The following FUS variants were observed in gnomAD, a reference collection of about 807,000 sequenced individuals.
FUS encodes FUS RNA binding protein, also known as RNA-binding protein FUS.
In FUS, 5 loss-of-function variants were observed where a neutral mutation model predicts 82.7. The ratio of observed to expected loss-of-function variants is 0.06; its 90% CI spans 0.03 to 0.13. The LOEUF (loss-of-function observed/expected upper bound fraction) is 0.13. FUS is among the 10% of genes least tolerant of loss of function. The pLI, the probability that FUS is intolerant of heterozygous loss-of-function variation, is 1.00. For synonymous variants in FUS, 281 were observed against 247.4 expected, an observed-to-expected ratio of 1.14 and a Z score of -1.27; for missense variants, 512 against 707.8, an observed-to-expected ratio of 0.72 and a Z score of 3.14.
intron 1 of FUS, chr16:31,182,113 C>T: frequency 2.3e-6 from 1 of 432,254 alleles, no homozygotes; most frequent in South Asian, 2.1e-5. Flanking sequence ...GCTTCACCTC[C>T]CGAGTAGCTG....
intron 10 of FUS, 46 bp downstream of exon 10, chr16:31,189,840 A>AGCAAGCCT: frequency 3.1e-6 from 5 of 1,613,070 alleles, no homozygotes; most frequent in African/African-American, 1.3e-5. Flanking sequence ...GATATAGGGC[A>AGCAAGCCT]GCAAGCCTTA....
intron 14 of FUS, 25 bp from the exon 15 acceptor site, chr16:31,191,373 CT>C (rs2079356356): frequency 1.3e-6 from 2 of 1,572,534 alleles, no homozygotes; most frequent in Non-Finnish European, 1.7e-6. Flanking sequence ...ATAATGGATA[CT>C]TAATTTTTTT....
rs182477113 is a variant in FUS, at chr16:31,183,708, G to A, written c.191-150G>A. 695 of 909,716 alleles carry A rather than the reference G, an allele frequency of 7.6e-4. 4 individuals are homozygous for A. Among genetic ancestry groups the A allele is most frequent in the Middle Eastern group, 4.6e-3 (21 of 4,554 alleles). 56.4% of individuals were successfully genotyped at this position (909,716 alleles called of 1,614,324 possible). On this transcript the variant is annotated intron_variant, in intron 3 of 14. Coordinates refer to ENST00000254108, the MANE Select transcript of FUS (RefSeq NM_004960.4). ...CATTAAATTTAGGCTTTGAAAGGAG[G>A]GTAACTATCTTTGCCTATGAGTTGC...
intron 1 of FUS, 95 bp downstream of exon 1, chr16:31,180,322 T>G: frequency 6.7e-7 from 1 of 1,493,556 alleles, no homozygotes; most frequent in Non-Finnish European, 9.1e-7. Flanking sequence ...GGCGATCCCG[T>G]GTGGGATTTT....
chr16:31,193,910 G>T (rs1264990500), downstream of FUS: 2 of 529,014 alleles, frequency 3.8e-6, no homozygotes, highest in Admixed American at 4.5e-5. Context: ...GCCTCCCAAA[G>T]TGCTGGGATC....
At chr16:31,192,577 TAGAGAC>T (rs1567480871), downstream of FUS, 2 of 490,346 alleles carry the variant, frequency 4.1e-6, no homozygotes, top group Non-Finnish European at 8.0e-6. Flanking sequence ...TTTTTATTTT[TAGAGAC>T]AGAGTCTTGC....
intron 6 of FUS, chr16:31,185,927 A>C (rs969471433): frequency 8.0e-6 from 2 of 250,462 alleles, no homozygotes; most frequent in Non-Finnish European, 7.9e-6. Flanking sequence ...GTTGGTAAAT[A>C]AGATTTGAAG....
At chr16:31,186,493 G>GA (rs952189238) in intron 6 of FUS, 697 of 468,938 alleles carry the variant, frequency 1.5e-3, no homozygotes, top group Middle Eastern at 2.3e-3. Flanking sequence ...GCGACAAGAG[G>GA]AAAAAAAAAC....
rs1293863483 is a variant in FUS at position 31,185,289 on chromosome 16, GATCT to G, written c.764+111_764+114del. ...TGGTTTAGTATTCTTGTTGTCTAGG[GATCT>G]GTGAGGGCTTTGATTTGGGGGCAGT... On this transcript the variant is annotated intron_variant, in intron 6 of 14. Transcript: ENST00000254108. The G allele has an allele frequency of 3.8e-6, 5 of 1,302,734 alleles. No homozygotes were observed. In the African/African-American group the frequency reaches 7.5e-5, roughly 19 times the overall value. 80.7% of individuals were successfully genotyped at this position (1,302,734 alleles called of 1,614,324 possible).
rs2079349053 is a variant in FUS at position 31,191,036 on chromosome 16, G to C, written c.1467G>C (p.Gly489=). The C allele has an allele frequency of 1.2e-6, 2 of 1,613,796 alleles. No individual in the cohort carries two copies. The highest frequency in any genetic ancestry group is 1.7e-6 in the Non-Finnish European group (2 of 1,180,002). The stretch of plus-strand genomic sequence containing the variant: ...GAGGCGGCTACCGGGGCCGCGGCGG[G>C]GACCGTGGAGGCTTCCGAGGGGGCC... ...YDRGGYRGRG[G]DRGGFRGGRG... is the part of the protein sequence containing the mutation. The change falls in exon 14 of 15, where the codon GGG becomes GGC. Residue 489 remains glycine (G), a synonymous_variant. Transcript: ENST00000254108.
At chr16:31,184,899 T>C in intron 5 of FUS, 40 bp from the exon 6 acceptor site, 1 of 1,599,960 alleles carries the variant, frequency 6.3e-7, no homozygotes, top group Non-Finnish European at 8.6e-7. Flanking sequence ...TTTACAATCT[T>C]TTTGTTTTTT....
chr16:31,183,104 A>T (rs1219130827), intron 3 of FUS: 1 of 248,326 alleles, frequency 4.0e-6, no homozygotes, highest in Non-Finnish European at 8.0e-6. Flanking sequence ...ACTTTTTGGG[A>T]TCTGAGTCCT....
chr16:31,192,320 G>A (rs759895562), downstream of FUS: 17 of 526,998 alleles, frequency 3.2e-5, no homozygotes, highest in Admixed American at 1.1e-4. Context: ...CAGCCAATGA[G>A]TTAAAACCTT....
chr16:31,192,418 T>G, downstream of FUS: 1 of 522,430 alleles, frequency 1.9e-6, no homozygotes. Flanking sequence ...TTATTTTAGT[T>G]ACACAGAGCG....
intron 7 of FUS, 131 bp downstream of exon 7, chr16:31,186,967 G>T (rs1029345823): frequency 1.1e-6 from 1 of 887,998 alleles, no homozygotes; most frequent in Non-Finnish European, 1.9e-6. Context: ...TCCAGAAAGG[G>T]GTAGGGTAGA....
chr16:31,180,960 T>A (rs1201433292), intron 1 of FUS, among the ~76,000 whole-genome samples: 1 of 152,038 alleles, frequency 6.6e-6, no homozygotes, highest in Non-Finnish European at 1.5e-5. Flanking sequence ...TCGCCCAGGC[T>A]GGAGTGCAGT....
At chr16:31,193,735 C>T (rs1037991364), downstream of FUS, 5 of 531,442 alleles carry the variant, frequency 9.4e-6, no homozygotes, top group East Asian at 3.9e-5. Flanking sequence ...GCCTCTCAAG[C>T]CAACCTCCCA....
At chr16:31,180,537 T>C (rs1195804060) in intron 1 of FUS, among the ~76,000 whole-genome samples, 1 of 152,180 alleles carries the variant, frequency 6.6e-6, no homozygotes, top group Non-Finnish European at 1.5e-5. Flanking sequence ...CTCCGTGGCC[T>C]CGCCTCCCCC....
At chr16:31,193,995 G>A (rs955111048), downstream of FUS, 1 of 532,810 alleles carries the variant, frequency 1.9e-6, no homozygotes, top group South Asian at 1.5e-5. Flanking sequence ...TGAAGCATTA[G>A]GTGTCCCATT....
Sources: allele counts gnomAD v4.1 joint callset (sites outside exome capture counted in the v4.1 genomes callset), GRCh38; gene constraint gnomAD v4.1.1; transcripts MANE v1.5; gene names NCBI Gene and HGNC (gene_info 2026-07-23, HGNC 2026-07-21).